Variants in IST1 observed in about 807,000 individuals in gnomAD.
IST1 encodes IST1 factor associated with ESCRT-III.
Under a neutral mutation model 37.0 loss-of-function variants are expected in IST1, and 23 were observed. The ratio of observed to expected loss-of-function variants is 0.62; its 90% CI spans 0.45 to 0.88. The LOEUF (loss-of-function observed/expected upper bound fraction) is 0.88, where lower values mean the gene tolerates loss of function less well. Ranked by LOEUF, IST1 falls within the 40% of genes least tolerant of loss-of-function variation. IST1 has a pLI of 0.00. For synonymous variants in IST1, 180 were observed against 161.7 expected (o/e 1.11, Z -0.86); for missense variants, 488 against 445.4 (o/e 1.10, Z -0.86).
At chr16:71,912,404 A>AT (rs1567466709) in intron 1 of IST1, among the ~76,000 whole-genome samples, 1 of 151,864 alleles carries the variant, frequency 6.6e-6, no homozygotes, top group Non-Finnish European at 1.5e-5. Flanking sequence ...TGCCTGGCTA[A>AT]TTTTTTGTAT....
chr16:71,922,568 G>A lies in IST1; in HGVS notation c.647G>A (p.Gly216Asp). 6.2e-7 allele frequency: 1 copy of A among 1,614,116 alleles called. No individual in the cohort carries two copies. The highest frequency in any genetic ancestry group is 1.1e-5 in the South Asian group (1 of 91,082). ...GGCCCTGGAAGAGGAGGGAGTGGTG[G>A]CTTCACAGCACCAGTTGGTGGACCT... Reference protein sequence around the residue: ...KGGPGRGGSGGFTAPVGGPDG... With the variant: ...KGGPGRGGSGDFTAPVGGPDG... The change falls in exon 7 of 10, where the codon GGC becomes GAC. Residue 216 changes from glycine (G) to aspartate (D), a missense_variant. By Grantham distance (94) the Gly-to-Asp change is moderately conservative. Transcript: ENST00000378799.
upstream of IST1, chr16:71,895,033 G>A (rs939912586): frequency 2.2e-5 from 11 of 506,496 alleles, no homozygotes; most frequent in Admixed American, 4.0e-4. Flanking sequence ...CCCGTAGAGG[G>A]ACACGGAGGC....
At chr16:71,913,697 C>G (rs989492642) in intron 1 of IST1, among the ~76,000 whole-genome samples, 2 of 151,750 alleles carry the variant, frequency 1.3e-5, no homozygotes, top group African/African-American at 4.8e-5. Flanking sequence ...GATGGGGTTT[C>G]TCCATGTTGC....
chr16:71,922,074 A>T (rs1162927450), intron 6 of IST1, among the ~76,000 whole-genome samples: 1 of 151,860 alleles, frequency 6.6e-6, no homozygotes, highest in Non-Finnish European at 1.5e-5. Context: ...GAGGTGGAAG[A>T]GCTTGTGGTG....
intron 3 of IST1, among the ~76,000 whole-genome samples, 156 bp from the exon 4 acceptor site, chr16:71,916,882 CAAAAGTAAA>C (rs2037478733): frequency 6.6e-6 from 1 of 151,996 alleles, no homozygotes; most frequent in South Asian, 2.1e-4. Context: ...TGAGTTCCTC[CAAAAGTAAA>C]ATAAGATCAC....
At chr16:71,926,519 TG>T (rs1192015549) in intron 9 of IST1, among the ~76,000 whole-genome samples, 1 of 151,944 alleles carries the variant, frequency 6.6e-6, no homozygotes, top group Non-Finnish European at 1.5e-5. Context: ...AATTTTTTTT[TG>T]TATTTTTAGT....
upstream of IST1, chr16:71,894,779 T>TC (rs2036929424): frequency 1.5e-6 from 2 of 1,377,558 alleles, no homozygotes; most frequent in Non-Finnish European, 2.0e-6. Flanking sequence ...CAAGCGATCC[T>TC]CCCGCCCCGC....
chr16:71,900,817 C>T (rs2037091696), intron 1 of IST1, among the ~76,000 whole-genome samples: 1 of 152,082 alleles, frequency 6.6e-6, no homozygotes, highest in African/African-American at 2.4e-5. Context: ...CCCTTGAAGG[C>T]TAGGGAAGCT....
At chr16:71,895,087 G>A (rs1190950971), upstream of IST1, 1 of 400,146 alleles carries the variant, frequency 2.5e-6, no homozygotes, top group Non-Finnish European at 4.6e-6. Flanking sequence ...AAACCCCCTC[G>A]GCCGCTCCAC....
At chr16:71,909,747 A>AT (rs1332269748) in intron 1 of IST1, among the ~76,000 whole-genome samples, 3 of 152,224 alleles carry the variant, frequency 2.0e-5, no homozygotes, top group Non-Finnish European at 4.4e-5. Context: ...AAACTCGAGA[A>AT]TAACGCCTTA....
Position 71,928,702 on chromosome 16 carries a change from T to C in IST1, c.*889T>C, listed in dbSNP as rs2037812902. ...GGAAAAGAGGGGTACCTGTTTTCAT[T>C]TGAAAACTTTGATTCATGGAACCTT... On this transcript the variant is annotated 3_prime_UTR_variant, in exon 10 of 10. Coordinates refer to ENST00000378799, the MANE Select transcript of IST1 (RefSeq NM_001270975.2). The C allele has an allele frequency of 6.6e-6, 1 of 152,584 alleles. No homozygotes were observed. Among genetic ancestry groups the C allele is most frequent in the African/African-American group, 2.4e-5 (1 of 41,446 alleles). The allele number at this position is 152,584 out of a possible 1,614,324, so 9.5% of individuals were successfully genotyped here.
intron 4 of IST1, among the ~76,000 whole-genome samples, chr16:71,918,081 GGAGGAATTCCAGACTGT>G (rs1208284518): frequency 6.6e-6 from 1 of 152,098 alleles, no homozygotes; most frequent in East Asian, 1.9e-4. Flanking sequence ...GCTCTTATTT[GGAGGAATTCCAGACTGT>G]GAGGAACTAG....
intron 1 of IST1, among the ~76,000 whole-genome samples, chr16:71,898,354 GAC>G (rs1173563631): frequency 7.8e-6 from 1 of 127,518 alleles, no homozygotes; most frequent in African/African-American, 2.9e-5. Context: ...TGGTGACAGA[GAC>G]ACTCTCTCTC....
chr16:71,927,989 TCCTGAGACTAACAATTGGAG>T lies in IST1; in HGVS notation c.*177_*196del, dbSNP rs1458601043. ...CTGCTGCTTTCCAGTTCTCTGTTGA[TCCTGAGACTAACAATTGGAG>T]ACTGAGGCCAGAGCAACTGGCTCCT... On this transcript the variant is annotated 3_prime_UTR_variant, in exon 10 of 10. Transcript: ENST00000378799. The T allele has an allele frequency of 6.8e-6, 4 of 592,092 alleles. No individual in the cohort carries two copies. The East Asian group carries it at 1.2e-4, about 17-fold the overall frequency. The allele number at this position is 592,092 out of a possible 1,614,324, so 36.7% of individuals were successfully genotyped here. A position where few individuals can be genotyped will look rare whatever the true frequency, so the allele number is the denominator to read the frequency against.
chr16:71,924,716 T>C (rs189840152), intron 8 of IST1, 53 bp from the exon 9 acceptor site: 1 of 1,382,748 alleles, frequency 7.2e-7, no homozygotes, highest in Non-Finnish European at 1.0e-6. Context: ...ACACCAGTAC[T>C]TTCTCCAGTG....
In IST1 at chr16:71,929,419, G is replaced by C. The variant is rs1027765930; in HGVS notation, c.*1606G>C. ...ATCCATAAGAACTTGGGACCAAGGG[G>C]ATTTTGATTCCTAACTTACAGAATT... On this transcript the variant is annotated 3_prime_UTR_variant, in exon 10 of 10. Transcript: ENST00000378799. 1.9e-6 allele frequency: 2 copies of C among 1,042,026 alleles called. No individual in the cohort carries two copies. The highest frequency in any genetic ancestry group is 1.3e-6 in the Non-Finnish European group (1 of 744,492). 64.5% of individuals were successfully genotyped at this position (1,042,026 alleles called of 1,614,324 possible). A position where few individuals can be genotyped will look rare whatever the true frequency, so the allele number is the denominator to read the frequency against.
chr16:71,920,081 G>C (rs1231633086), intron 4 of IST1, among the ~76,000 whole-genome samples: 2 of 152,176 alleles, frequency 1.3e-5, no homozygotes, highest in African/African-American at 4.8e-5. Context: ...CACAGTCTGG[G>C]CTACACCCGT....
At chr16:71,908,296 C>CT (rs59849119) in intron 1 of IST1, among the ~76,000 whole-genome samples, 18,312 of 76,060 alleles carry the variant, frequency 0.24, 3,632 homozygotes, top group East Asian at 0.56. Flanking sequence ...CTCGTTGTAG[C>CT]TTTTTTTTTT....
chr16:71,911,440 A>G (rs182362035), intron 1 of IST1, among the ~76,000 whole-genome samples: 18 of 151,344 alleles, frequency 1.2e-4, no homozygotes, highest in African/African-American at 4.4e-4. Context: ...GGCTGAGGCA[A>G]GAGAATTGCT....
Sources: allele counts gnomAD v4.1 joint callset (sites outside exome capture counted in the v4.1 genomes callset), GRCh38; gene constraint gnomAD v4.1.1; transcripts MANE v1.5; gene names NCBI Gene and HGNC (gene_info 2026-07-23, HGNC 2026-07-21).